NCALD: variants seen among roughly 807,000 people sequenced by gnomAD.
The protein encoded by NCALD is neurocalcin delta, also known as neurocalcin-delta.
Under a neutral mutation model 18.6 loss-of-function variants are expected in NCALD, and 10 were observed. That is an observed-to-expected ratio of 0.54 (90% CI 0.33 to 0.91). NCALD has a LOEUF of 0.91. Ranked by LOEUF, NCALD falls within the 40% of genes least tolerant of loss-of-function variation. The pLI, the probability that NCALD is intolerant of heterozygous loss-of-function variation, is 0.03. For missense variants in NCALD, 184 were observed against 247.6 expected, an observed-to-expected ratio of 0.74 and a Z score of 1.72; for synonymous variants, 88 against 87.4, an observed-to-expected ratio of 1.01 and a Z score of -0.04.
At chr8:101,915,738 T>C (rs1817951136) in intron 3 of NCALD, 2 of 152,204 alleles carry the variant, frequency 1.3e-5, no homozygotes, top group Non-Finnish European at 1.5e-5. Context: ...GAACTGTCTC[T>C]TGTGAAAACT....
At chr8:101,896,719 G>A (rs1264975) in intron 3 of NCALD, among the ~76,000 whole-genome samples, 42,721 of 130,186 alleles carry the variant, frequency 0.33, 9,150 homozygotes, top group African/African-American at 0.65. Flanking sequence ...ATGAACAGAC[G>A]CTTCTCAAAA....
At position 101,918,950 on chromosome 8, in the gene NCALD, C is replaced by T. The variant is rs146411525; in HGVS notation, c.-156-3092G>A. 5.0e-4 allele frequency among the ~76,000 whole-genome samples: 76 copies of T among 152,176 alleles called. No individual in the cohort carries two copies. The Middle Eastern group carries it at 0.01, about 20-fold the overall frequency. ...TATTACCCGAAGCAATCTAGAGATT[C>T]GATGCTATTCCTATCAAACTACCAA... On this transcript the variant is annotated intron_variant, in intron 2 of 6. Transcript: ENST00000311028.
intron 4 of NCALD, among the ~76,000 whole-genome samples, chr8:101,871,583 CTTTTT>C (rs3056946): frequency 7.2e-6 from 1 of 138,842 alleles, no homozygotes; most frequent in Non-Finnish European, 1.6e-5. Flanking sequence ...TTCAGATTTT[CTTTTT>C]TTTTTTTTTG....
chr8:102,116,432 A>C (rs373220154), intron 1 of NCALD, among the ~76,000 whole-genome samples: 14 of 152,222 alleles, frequency 9.2e-5, no homozygotes, highest in African/African-American at 2.6e-4. Context: ...GGTGACCCCC[A>C]AAAAAAGTAT....
At chr8:101,866,771 T>C (rs922405293) in intron 4 of NCALD, among the ~76,000 whole-genome samples, 7 of 152,162 alleles carry the variant, frequency 4.6e-5, no homozygotes, top group African/African-American at 1.7e-4. Context: ...CTAACAGCCA[T>C]TCCCAGGGGG....
intron 1 of NCALD, among the ~76,000 whole-genome samples, chr8:102,061,767 T>C (rs1198974767): frequency 6.6e-6 from 1 of 152,186 alleles, no homozygotes; most frequent in Non-Finnish European, 1.5e-5. Flanking sequence ...CTCGGCAGAA[T>C]TTTCAGCCGT....
chr8:101,896,562 A>G (rs1817182249), intron 3 of NCALD, among the ~76,000 whole-genome samples: 2 of 152,086 alleles, frequency 1.3e-5, no homozygotes, highest in African/African-American at 2.4e-5. Context: ...AGAAACTACC[A>G]TCAGAGTAAA....
intron 1 of NCALD, among the ~76,000 whole-genome samples, chr8:102,029,569 G>T (rs1366083885): frequency 6.6e-6 from 1 of 152,176 alleles, no homozygotes. Flanking sequence ...TTCATGTGCT[G>T]GGCCAAGTAT....
intron 4 of NCALD, among the ~76,000 whole-genome samples, chr8:101,816,050 A>G (rs1813482857): frequency 6.6e-6 from 1 of 152,200 alleles, no homozygotes; most frequent in African/African-American, 2.4e-5. Flanking sequence ...AAAAGGCTAC[A>G]TACTGTATGA....
rs571791223 is a variant in NCALD at position 101,945,388 on chromosome 8, TAAACAAGTAAAGC to T, written c.-156-29543_-156-29531del. Among the ~76,000 whole-genome samples the T allele has an allele frequency of 1.4e-4, 22 of 151,926 alleles. No individual in the cohort carries two copies. In the South Asian group the frequency reaches 4.4e-3, roughly 30 times the overall value. ...CTAAAATGCGGAATGGAGCAGAGAG[TAAACAAGTAAAGC>T]AAACAAGCTTATAAACACAAACCGT... On this transcript the variant is annotated intron_variant, in intron 2 of 6. Coordinates refer to the NCALD transcript ENST00000311028.
intron 2 of NCALD, among the ~76,000 whole-genome samples, chr8:101,990,148 C>T (rs1820985375): frequency 2.6e-5 from 4 of 152,196 alleles, no homozygotes. Context: ...ATTCATTCCA[C>T]AAGGAATCAC....
intron 3 of NCALD, among the ~76,000 whole-genome samples, chr8:101,907,079 G>A (rs1234382606): frequency 1.3e-5 from 2 of 152,118 alleles, no homozygotes; most frequent in Non-Finnish European, 2.9e-5. Context: ...GTTGATCTTT[G>A]TCCATCATGG....
rs549602369 is a variant in NCALD at position 102,055,942 on chromosome 8, G to A, written c.-209-35653C>T. ...AATTCATCACAGGGAGCTCATGGTC[G>A]GCACAAAACAAACACTGAGAGGTAT... On this transcript the variant is annotated intron_variant, in intron 1 of 6. Transcript: ENST00000311028. Among the ~76,000 whole-genome samples the A allele has an allele frequency of 3.4e-4, 51 of 152,154 alleles. 1 individual carries two copies. The highest frequency in any genetic ancestry group is 6.8e-3 in the Middle Eastern group (2 of 294).
chr8:101,856,612 T>C (rs1412601122), intron 4 of NCALD, among the ~76,000 whole-genome samples: 4 of 152,180 alleles, frequency 2.6e-5, no homozygotes, highest in Non-Finnish European at 4.4e-5. Context: ...AGCTTATTTA[T>C]ATGAATATGA....
At chr8:101,957,289 G>GTGTTTTTTTTTTTTTTTTTTTTT (rs1819664970) in intron 2 of NCALD, among the ~76,000 whole-genome samples, 1 of 99,508 alleles carries the variant, frequency 1.0e-5, no homozygotes, top group African/African-American at 4.0e-5. Flanking sequence ...AAAAGTTGGG[G>GTGTTTTTTTTTTTTTTTTTTTTT]TTTTTTTTTT....
intron 2 of NCALD, among the ~76,000 whole-genome samples, chr8:101,916,263 C>G (rs1333649926): frequency 6.6e-6 from 1 of 152,048 alleles, no homozygotes; most frequent in African/African-American, 2.4e-5. Context: ...AAAGAACTAT[C>G]CCACCAAATT....
chr8:101,923,207 TCTTGGA>T (rs1336238930), intron 2 of NCALD, among the ~76,000 whole-genome samples: 1 of 152,232 alleles, frequency 6.6e-6, no homozygotes, highest in African/African-American at 2.4e-5. Flanking sequence ...GGCATCTTGA[TCTTGGA>T]CTTTCCAGCC....
chr8:101,797,731 G>A (rs369862622), intron 4 of NCALD, among the ~76,000 whole-genome samples: 20 of 151,834 alleles, frequency 1.3e-4, no homozygotes, highest in East Asian at 5.8e-4. Flanking sequence ...CAGGAGAATC[G>A]CTTGAACCTG....
chr8:101,718,533 G>A (rs937336853), intron 2 of NCALD, among the ~76,000 whole-genome samples: 9 of 152,116 alleles, frequency 5.9e-5, no homozygotes, highest in African/African-American at 1.9e-4. Context: ...AAGACTAAAT[G>A]TTCCTCCCTG....
Sources: allele counts gnomAD v4.1 joint callset (sites outside exome capture counted in the v4.1 genomes callset), GRCh38; gene constraint gnomAD v4.1.1; transcripts MANE v1.5; gene names NCBI Gene and HGNC (gene_info 2026-07-23, HGNC 2026-07-21).